ZHX2: variants seen among roughly 807,000 people sequenced by gnomAD.
ZHX2 encodes the protein zinc fingers and homeoboxes 2.
Under a neutral mutation model 21.9 loss-of-function variants are expected in ZHX2, and 6 were observed. The observed-to-expected ratio is 0.27, with a 90% CI of 0.15 to 0.54. The LOEUF is 0.54. ZHX2 is among the 20% of genes least tolerant of loss of function. The pLI, the probability that ZHX2 is intolerant of heterozygous loss-of-function variation, is 0.95. For missense variants in ZHX2, 908 were observed against 1,090.7 expected, an observed-to-expected ratio of 0.83 and a Z score of 2.36; for synonymous variants, 434 against 437.1, an observed-to-expected ratio of 0.99 and a Z score of 0.09.
chr8:122,838,573 A>ATTTTTT (rs34833602), intron 1 of ZHX2, among the ~76,000 whole-genome samples: 2 of 117,920 alleles, frequency 1.7e-5, no homozygotes, highest in Non-Finnish European at 3.4e-5. Flanking sequence ...TAGTAATGTG[A>ATTTTTT]TTTTTTTTTT....
chr8:122,830,149 C>A (rs1424129245), intron 1 of ZHX2, among the ~76,000 whole-genome samples: 1 of 152,192 alleles, frequency 6.6e-6, no homozygotes, highest in African/African-American at 2.4e-5. Context: ...AGCCTGGGTG[C>A]ACACGGGCTG....
chr8:122,882,596 C>A (rs1819738678), intron 2 of ZHX2, among the ~76,000 whole-genome samples: 1 of 152,154 alleles, frequency 6.6e-6, no homozygotes, highest in African/African-American at 2.4e-5. Context: ...CCTGAGCGCT[C>A]CTCAGCCACC....
At chr8:122,937,933 G>GTTTTTTTTTTTTTTTTTTTTTTTTT (rs71310636) in intron 2 of ZHX2, among the ~76,000 whole-genome samples, 1 of 73,352 alleles carries the variant, frequency 1.4e-5, no homozygotes, top group African/African-American at 5.7e-5. Context: ...TTTCTTTTTG[G>GTTTTTTTTTTTTTTTTTTTTTTTTT]TTTTTTTTTT....
At chr8:122,864,862 G>A (rs182681398) in intron 2 of ZHX2, among the ~76,000 whole-genome samples, 5 of 152,332 alleles carry the variant, frequency 3.3e-5, no homozygotes, top group African/African-American at 9.6e-5. Context: ...TCTGAATAAT[G>A]AGCACACGGG....
intron 2 of ZHX2, among the ~76,000 whole-genome samples, chr8:122,921,381 G>A (rs1479258392): frequency 6.6e-6 from 1 of 152,178 alleles, no homozygotes; most frequent in Non-Finnish European, 1.5e-5. Context: ...ACCGTGCCCG[G>A]CTTGAAGGAG....
intron 1 of ZHX2, among the ~76,000 whole-genome samples, chr8:122,837,471 C>A (rs1168014532): frequency 1.3e-5 from 2 of 152,190 alleles, no homozygotes. Context: ...CTACAGGTTT[C>A]AAACACCCAC....
intron 1 of ZHX2, among the ~76,000 whole-genome samples, chr8:122,812,479 G>A (rs775656024): frequency 1.3e-5 from 2 of 152,196 alleles, no homozygotes; most frequent in Non-Finnish European, 2.9e-5. Context: ...CAAGGCCACA[G>A]AGTGGGAAAA....
chr8:122,889,662 A>G (rs1358893181), intron 2 of ZHX2, among the ~76,000 whole-genome samples: 1 of 152,244 alleles, frequency 6.6e-6, no homozygotes, highest in African/African-American at 2.4e-5. Flanking sequence ...TGACCCTTGA[A>G]CAACACGGGT....
chr8:122,953,954 C>A lies in ZHX2; in HGVS notation c.2444C>A (p.Ala815Glu). 3 of 1,614,020 alleles carry A rather than the reference C, an allele frequency of 1.9e-6. No homozygotes were observed. The highest frequency in any genetic ancestry group is 2.5e-6 in the Non-Finnish European group (3 of 1,179,954). ...SDRSDSWSQA[A>E]AEGVSELAES... The stretch of plus-strand genomic sequence containing the variant: ...AGATCAGATAGCTGGAGTCAGGCTG[C>A]GGCAGAAGGTGTGTCGGAACTGGCT... Residue 815 changes from alanine (A) to glutamate (E), a missense_variant, in exon 3 of 4, where the codon GCG becomes GAG. By Grantham distance (107) the Ala-to-Glu change is moderately radical. This residue lies in a region of ZHX2 where 431 missense variants were observed against 428.6 expected (regional missense o/e 1.01). Coordinates refer to ENST00000314393, the MANE Select transcript of ZHX2 (RefSeq NM_014943.5). The surrounding 1 kb of genome is among the most constrained non-coding windows in gnomAD (Gnocchi z 4.6).
At chr8:122,794,501 G>T (rs1324823054) in intron 1 of ZHX2, among the ~76,000 whole-genome samples, 1 of 152,102 alleles carries the variant, frequency 6.6e-6, no homozygotes, top group Admixed American at 6.5e-5. Flanking sequence ...AAGAGTGAAG[G>T]GGTCAAGGGT....
At chr8:122,963,622 A>G (rs1197364757) in intron 3 of ZHX2, among the ~76,000 whole-genome samples, 1 of 152,078 alleles carries the variant, frequency 6.6e-6, no homozygotes, top group Non-Finnish European at 1.5e-5. Context: ...TTTTGGTTTC[A>G]TATGACTTTT....
rs1416423011 is a variant in ZHX2 at position 122,828,239 on chromosome 8, G to A, written c.-282-35238G>A. Reference sequence around the variant, plus strand: ...CAAAAGCACCCCTGTGGAGTGGACAGAAGCACAGACCTAGGGCTTAGGAGA... The same window carrying A: ...CAAAAGCACCCCTGTGGAGTGGACAAAAGCACAGACCTAGGGCTTAGGAGA... On this transcript the variant is annotated intron_variant, in intron 1 of 3. Coordinates refer to ENST00000314393, the MANE Select transcript of ZHX2 (RefSeq NM_014943.5). This position sits in a 1 kb window ranked among gnomAD's most constrained non-coding sequence, Gnocchi z 5.2. Among the ~76,000 whole-genome samples, 1 of 152,230 alleles carries A rather than the reference G, an allele frequency of 6.6e-6. No homozygotes were observed. The highest frequency in any genetic ancestry group is 1.5e-5 in the Non-Finnish European group (1 of 68,036).
At chr8:122,839,820 TTTG>T (rs1818586938) in intron 1 of ZHX2, among the ~76,000 whole-genome samples, 1 of 152,228 alleles carries the variant, frequency 6.6e-6, no homozygotes, top group Non-Finnish European at 1.5e-5. Context: ...GCCTGGTTAT[TTTG>T]TTAATAGATA....
intron 2 of ZHX2, among the ~76,000 whole-genome samples, chr8:122,899,240 A>G (rs1820170420): frequency 6.6e-6 from 1 of 151,992 alleles, no homozygotes; most frequent in Non-Finnish European, 1.5e-5. Flanking sequence ...TCTAACTCCT[A>G]CAAAGATCCT....
At chr8:122,882,816 T>C (rs1819745583) in intron 2 of ZHX2, among the ~76,000 whole-genome samples, 1 of 152,100 alleles carries the variant, frequency 6.6e-6, no homozygotes, top group Non-Finnish European at 1.5e-5. Context: ...ACCCCATCTC[T>C]ACTAAAAATA....
At chr8:122,806,209 T>C (rs570066664) in intron 1 of ZHX2, among the ~76,000 whole-genome samples, 1 of 152,340 alleles carries the variant, frequency 6.6e-6, no homozygotes, top group East Asian at 1.9e-4. Context: ...TCAGCCTGAA[T>C]CTGAAACTCA....
intron 2 of ZHX2, among the ~76,000 whole-genome samples, chr8:122,944,899 G>T (rs999850641): frequency 3.3e-5 from 5 of 152,150 alleles, no homozygotes; most frequent in African/African-American, 9.7e-5. Context: ...TAACTCCAAG[G>T]TTACATGAGG....
At chr8:122,829,234 G>C (rs1818322892) in intron 1 of ZHX2, among the ~76,000 whole-genome samples, 1 of 152,244 alleles carries the variant, frequency 6.6e-6, no homozygotes, top group South Asian at 2.1e-4. Flanking sequence ...ATCAACCTAG[G>C]AAGGATGTGT....
At chr8:122,891,142 TTG>T (rs1434742108) in intron 2 of ZHX2, among the ~76,000 whole-genome samples, 1 of 152,148 alleles carries the variant, frequency 6.6e-6, no homozygotes, top group Non-Finnish European at 1.5e-5. Context: ...TTTAACAGTT[TTG>T]TAGAATTCAG....
Sources: gnomAD v4.1 joint callset for allele counts (sites outside exome capture counted in the v4.1 genomes callset) on GRCh38, gnomAD v4.1.1 for gene constraint, gnomAD v4.1.1 regional missense constraint, Gnocchi (gnomAD v3.1) non-coding constraint, MANE v1.5 for transcripts, NCBI Gene and HGNC (gene_info 2026-07-23, HGNC 2026-07-21) for gene names.